The following MEGF10 variants were observed in gnomAD, a reference collection of about 807,000 sequenced individuals.
MEGF10 encodes the protein multiple epidermal growth factor-like domains protein 10.
MEGF10 carries 86 observed loss-of-function variants against 147.5 expected under a neutral mutation model. That is an observed-to-expected ratio of 0.58 (90% CI 0.49 to 0.70). The LOEUF (loss-of-function observed/expected upper bound fraction) is 0.70. MEGF10 is among the 30% of genes least tolerant of loss of function. MEGF10 has a pLI of 0.00. For missense variants in MEGF10, 1,329 were observed against 1,487.3 expected (o/e 0.89, Z 1.75); for synonymous variants, 478 against 525.5 (o/e 0.91, Z 1.24).
intron 18 of MEGF10, among the ~76,000 whole-genome samples, chr5:127,442,415 A>G (rs559948437): frequency 1.5e-4 from 23 of 152,200 alleles, no homozygotes; most frequent in Non-Finnish European, 3.1e-4. Context: ...TAAGAATCCT[A>G]TTACTTTCGT....
intron 4 of MEGF10, among the ~76,000 whole-genome samples, chr5:127,351,495 A>G (rs904855253): frequency 6.6e-6 from 1 of 152,208 alleles, no homozygotes; most frequent in Non-Finnish European, 1.5e-5. Context: ...TTTTGCGGCT[A>G]CAGGGAGCAT....
chr5:127,457,183 G>C lies in MEGF10; in HGVS notation c.3288G>C (p.Gln1096His), dbSNP rs142969706. ...GVFSNNGRLS[Q>H]DPYDLPKNSH... ...TCAGCAATAATGGGCGTCTCTCCCA[G>C]GATCCATATGACCTCCCAAAGAACA... The change falls in exon 25 of 25, where the codon CAG becomes CAC. Residue 1096 changes from glutamine (Q) to histidine (H), a missense_variant. Physicochemically the swap from Gln to His is conservative, Grantham distance 24. Around this residue, in one of 3 missense-constraint regions of MEGF10, gnomAD observed 343 missense variants for 377.9 expected, o/e 0.91. Coordinates refer to ENST00000503335, the MANE Select transcript of MEGF10 (RefSeq NM_001256545.2). 35 of 1,614,102 alleles carry C rather than the reference G, an allele frequency of 2.2e-5. No individual in the cohort carries two copies. In the African/African-American group the frequency reaches 4.5e-4, roughly 21 times the overall value.
chr5:127,304,557 C>T (rs1759928706), intron 1 of MEGF10, among the ~76,000 whole-genome samples: 1 of 152,176 alleles, frequency 6.6e-6, no homozygotes, highest in African/African-American at 2.4e-5. Context: ...GCAGTGGCAT[C>T]GTCTCAGCTC....
In MEGF10 at chr5:127,396,795, C is replaced by A; in HGVS notation, c.659+17C>A. Reference sequence around the variant, plus strand: ...CGGAGCCTTGTAAGTCACATGCTGCCCAGCAGCAGAGCAGAGCCCACCCAC... The same window carrying A: ...CGGAGCCTTGTAAGTCACATGCTGCACAGCAGCAGAGCAGAGCCCACCCAC... On this transcript the variant is annotated intron_variant, in intron 6 of 24. Coordinates refer to ENST00000503335, the MANE Select transcript of MEGF10 (RefSeq NM_001256545.2). 6.2e-7 allele frequency: 1 copy of A among 1,607,444 alleles called. No individual in the cohort carries two copies. The highest frequency in any genetic ancestry group is 8.5e-7 in the Non-Finnish European group (1 of 1,175,710).
In MEGF10 at chr5:127,331,359, C is replaced by A. The variant is rs1258252287; in HGVS notation, c.51C>A (p.Cys17Ter). The change falls in exon 2 of 25, where the codon TGC becomes TGA. Residue 17 changes from cysteine to a stop codon, truncating the protein, a stop_gained. Coordinates refer to ENST00000503335, the MANE Select transcript of MEGF10 (RefSeq NM_001256545.2). LOFTEE classifies it high-confidence loss of function. ...SCLSFICLLL[C>*]HWIGTASPLN... ...TGAGCTTTATTTGTTTATTGTTATG[C>A]CACTGGATTGGGACAGCATCACCTC... 1 of 1,613,030 alleles carries A rather than the reference C, an allele frequency of 6.2e-7. No individual in the cohort carries two copies. Among genetic ancestry groups the A allele is most frequent in the East Asian group, 2.2e-5 (1 of 44,860 alleles).
intron 24 of MEGF10, among the ~76,000 whole-genome samples, chr5:127,456,143 A>ATATC (rs1168084724): frequency 6.6e-6 from 1 of 152,224 alleles, no homozygotes; most frequent in Non-Finnish European, 1.5e-5. Context: ...ATTAGCTAAT[A>ATATC]TATCTACTTA....
chr5:127,230,382 C>T, the MEGF10 span, among the ~76,000 whole-genome samples: 3 of 152,026 alleles, frequency 2.0e-5, no homozygotes, highest in African/African-American at 7.2e-5. Context: ...AAGCTAACTG[C>T]ATGGCGCTCA....
At chr5:127,349,597 C>T (rs1219369351) in intron 4 of MEGF10, among the ~76,000 whole-genome samples, 1 of 151,856 alleles carries the variant, frequency 6.6e-6, no homozygotes, top group African/African-American at 2.4e-5. Context: ...CAGACTTCGT[C>T]CTTTCATGAC....
chr5:127,455,498 G>C lies in MEGF10; in HGVS notation c.3123G>C (p.Pro1041=), dbSNP rs764182965. 2 of 1,614,038 alleles carry C rather than the reference G, an allele frequency of 1.2e-6. No individual in the cohort carries two copies. The highest frequency in any genetic ancestry group is 2.2e-5 in the South Asian group (2 of 91,078). ...ATIKDPPVLI[P]KSSECGYVEM... ...TTAAAGACCCACCTGTACTTATCCC[G>C]AAAAGCTCAGAGTGTGGTTATGTGG... The change falls in exon 24 of 25, where the codon CCG becomes CCC. Residue 1041 remains proline, a synonymous_variant. Transcript: ENST00000503335.
chr5:127,405,768 T>C (rs1359944807), intron 8 of MEGF10, among the ~76,000 whole-genome samples: 1 of 152,160 alleles, frequency 6.6e-6, no homozygotes, highest in African/African-American at 2.4e-5. Context: ...TCTTAAGTAG[T>C]TTTTTAAATC....
intron 8 of MEGF10, chr5:127,409,781 G>A (rs933471750): frequency 6.5e-6 from 1 of 153,412 alleles, no homozygotes; most frequent in Non-Finnish European, 1.5e-5. Context: ...TGTTGGAATC[G>A]AGGACGTCTG....
At chr5:127,389,236 T>C (rs1210032617) in intron 5 of MEGF10, among the ~76,000 whole-genome samples, 2 of 152,180 alleles carry the variant, frequency 1.3e-5, no homozygotes, top group Non-Finnish European at 2.9e-5. Flanking sequence ...GAAATAGCTG[T>C]AATCCAGTCA....
chr5:127,320,953 T>A (rs1051738697), intron 1 of MEGF10, among the ~76,000 whole-genome samples: 1 of 152,240 alleles, frequency 6.6e-6, no homozygotes. Context: ...TTTTGTACTT[T>A]CCAATTCACA....
At chr5:127,438,817 C>T (rs1765650736) in intron 17 of MEGF10, among the ~76,000 whole-genome samples, 1 of 152,194 alleles carries the variant, frequency 6.6e-6, no homozygotes, top group Non-Finnish European at 1.5e-5. Context: ...GTTTATTTCT[C>T]TTCTCTCCTT....
Position 127,402,563 on chromosome 5 carries a change from G to T in MEGF10, c.798G>T (p.Gln266His). The stretch of plus-strand genomic sequence containing the variant: ...GAATGCAGGGCACAGTGTGTGGTCA[G>T]CCTTGCCCCGAGGGTCGCTTTGGAA... ...PSGWMGTVCG[Q>H]PCPEGRFGKN... is the part of the protein sequence containing the mutation. The change falls in exon 8 of 25, where the codon CAG becomes CAT. Residue 266 changes from glutamine to histidine, a missense_variant. Physicochemically the swap from Gln to His is conservative, Grantham distance 24. Coordinates refer to ENST00000503335, the MANE Select transcript of MEGF10 (RefSeq NM_001256545.2). The T allele has an allele frequency of 6.2e-7, 1 of 1,613,968 alleles. No homozygotes were observed. Among genetic ancestry groups the T allele is most frequent in the Non-Finnish European group, 8.5e-7 (1 of 1,179,930 alleles).
chr5:127,422,662 C>T lies in MEGF10; in HGVS notation c.1591-8C>T. On this transcript the variant is annotated splice_polypyrimidine_tract_variant and splice_region_variant and intron_variant, in intron 12 of 24. Coordinates refer to ENST00000503335, the MANE Select transcript of MEGF10 (RefSeq NM_001256545.2). ...TCATTGCTGCCTTTGATGCTGTTTT[C>T]CATGCAGGATGGCACGTACGGGCTG... The T allele has an allele frequency of 6.2e-7, 1 of 1,612,482 alleles. No individual in the cohort carries two copies. Among genetic ancestry groups the T allele is most frequent in the African/African-American group, 1.3e-5 (1 of 75,016 alleles).
intron 4 of MEGF10, among the ~76,000 whole-genome samples, chr5:127,366,112 G>A (rs561357494): frequency 6.6e-6 from 1 of 152,198 alleles, no homozygotes; most frequent in South Asian, 2.1e-4. Context: ...AAGCTGAATA[G>A]GGGAGGTAAG....
chr5:127,297,720 G>A (rs1307261729), intron 1 of MEGF10, among the ~76,000 whole-genome samples: 2 of 152,200 alleles, frequency 1.3e-5, no homozygotes, highest in African/African-American at 4.8e-5. Flanking sequence ...TACAGGACCT[G>A]CCCATCCCCA....
chr5:127,375,420 G>GT (rs1391406795), intron 5 of MEGF10, among the ~76,000 whole-genome samples: 1 of 152,142 alleles, frequency 6.6e-6, no homozygotes, highest in Non-Finnish European at 1.5e-5. Flanking sequence ...AAAAAACCAG[G>GT]TATGTCAGAG....
Sources: allele counts gnomAD v4.1 joint callset (sites outside exome capture counted in the v4.1 genomes callset), GRCh38; gene constraint gnomAD v4.1.1; regional missense constraint gnomAD v4.1.1; transcripts MANE v1.5; gene names NCBI Gene and HGNC (gene_info 2026-07-23, HGNC 2026-07-21).